The following PEX14 variants were observed in gnomAD, a reference collection of about 807,000 sequenced individuals.
PEX14 encodes the protein peroxisomal membrane protein PEX14.
A neutral mutation model predicts 49.5 loss-of-function variants in PEX14; 15 were observed. The observed-to-expected ratio is 0.30, with a 90% CI of 0.20 to 0.47. The LOEUF (loss-of-function observed/expected upper bound fraction) is 0.47. PEX14 is among the 20% of genes least tolerant of loss of function. The pLI, the probability that PEX14 is intolerant of heterozygous loss-of-function variation, is 1.00. For synonymous variants in PEX14, 210 were observed against 212.7 expected, an observed-to-expected ratio of 0.99 and a Z score of 0.11; for missense variants, 398 against 494.8, an observed-to-expected ratio of 0.80 and a Z score of 1.86.
chr1:10,594,713 G>A (rs141171810), intron 3 of PEX14, among the ~76,000 whole-genome samples: 1,779 of 152,290 alleles, frequency 0.012, 6 homozygotes, highest in Middle Eastern at 0.065. Flanking sequence ...CAGTGCTGAG[G>A]TTACTTATCC....
intron 2 of PEX14, among the ~76,000 whole-genome samples, chr1:10,534,045 G>T (rs189637530): frequency 5.6e-4 from 86 of 152,290 alleles, no homozygotes; most frequent in Non-Finnish European, 1.0e-3. Flanking sequence ...GAAAATTTTG[G>T]AAGGATGAAG....
At chr1:10,511,249 ATC>A (rs1257374705) in intron 2 of PEX14, among the ~76,000 whole-genome samples, 1 of 151,844 alleles carries the variant, frequency 6.6e-6, no homozygotes, top group Non-Finnish European at 1.5e-5. Flanking sequence ...TTATTTTGTT[ATC>A]TCCTGTTTTT....
chr1:10,548,319 CAA>C (rs1310906585), intron 3 of PEX14, among the ~76,000 whole-genome samples: 2 of 152,172 alleles, frequency 1.3e-5, no homozygotes, highest in Admixed American at 6.5e-5. Context: ...TAAGGGTAGA[CAA>C]GAGAGTTTCC....
At chr1:10,586,901 A>T (rs539243201) in intron 3 of PEX14, among the ~76,000 whole-genome samples, 1 of 151,674 alleles carries the variant, frequency 6.6e-6, no homozygotes, top group Non-Finnish European at 1.5e-5. Context: ...CGGCCTCCCA[A>T]AGTGCTGGGA....
intron 3 of PEX14, among the ~76,000 whole-genome samples, chr1:10,572,682 C>G (rs1640011348): frequency 8.0e-5 from 2 of 24,992 alleles, no homozygotes; most frequent in South Asian, 1.2e-3. Context: ...CTATAGGCGC[C>G]CCCCCCACCA....
intron 3 of PEX14, among the ~76,000 whole-genome samples, chr1:10,577,556 ATATATATTTTTTTTTTTTTTTTTTTTTTT>A (rs1640176565): frequency 1.5e-3 from 9 of 5,896 alleles, no homozygotes; most frequent in Non-Finnish European, 3.7e-3. Context: ...ATATATATAT[ATATATATTTTTTTTTTTTTTTTTTTTTTT>A]TTTTTTTTTT....
In PEX14 at chr1:10,480,867, A is replaced by AT. The variant is rs749555236; in HGVS notation, c.36+5866dup. Among the ~76,000 whole-genome samples, 832 of 145,938 alleles carry AT rather than the reference A, an allele frequency of 5.7e-3. 10 individuals are homozygous for AT. The highest frequency in any genetic ancestry group is 8.1e-3 in the Non-Finnish European group (540 of 66,750). ...TCTCTCTCTCTCTCTCTCTATATAT[A>AT]TATTTTTTTTTTTGGAAGGATTTGT... On this transcript the variant is annotated intron_variant, in intron 1 of 8. Transcript: ENST00000356607.
chr1:10,580,092 T>G (rs1640268957), intron 3 of PEX14, among the ~76,000 whole-genome samples: 1 of 152,176 alleles, frequency 6.6e-6, no homozygotes, highest in African/African-American at 2.4e-5. Context: ...AATTCTTCAG[T>G]TCTGTAAAAG....
intron 1 of PEX14, among the ~76,000 whole-genome samples, chr1:10,488,878 A>C (rs984342612): frequency 2.0e-5 from 3 of 152,176 alleles, no homozygotes; most frequent in African/African-American, 7.2e-5. Flanking sequence ...GTATAGTTGT[A>C]ACACCTGTCT....
chr1:10,529,965 A>G lies in PEX14; in HGVS notation c.85-6248A>G, dbSNP rs2124470611. Among the ~76,000 whole-genome samples, 1 of 152,314 alleles carries G rather than the reference A, an allele frequency of 6.6e-6. No homozygotes were observed. The highest frequency in any genetic ancestry group is 2.1e-4 in the South Asian group (1 of 4,828). On this transcript the variant is annotated intron_variant, in intron 2 of 8. Transcript: ENST00000356607. The surrounding 1 kb of genome is among the most constrained non-coding windows in gnomAD (Gnocchi z 4.2). ...AGTCGAAAGAGAGGCTCTTTCCTTT[A>G]ACTCCTTGAGTGCCAGGGCACTTGC...
In PEX14 at chr1:10,539,640, G is replaced by A. The variant is rs1419266030; in HGVS notation, c.169+3343G>A. Among the ~76,000 whole-genome samples the A allele has an allele frequency of 6.6e-6, 1 of 152,098 alleles. No individual in the cohort carries two copies. Among genetic ancestry groups the A allele is most frequent in the African/African-American group, 2.4e-5 (1 of 41,392 alleles). On this transcript the variant is annotated intron_variant, in intron 3 of 8. Coordinates refer to ENST00000356607, the MANE Select transcript of PEX14 (RefSeq NM_004565.3). The surrounding 1 kb of genome is among the most constrained non-coding windows in gnomAD (Gnocchi z 4.6). ...TCTTGCCAGGCAGGCATCATATCTGGGGCTTTAAGCAGGCTGCAATCCAGG... is the reference window on the plus strand; with the variant it reads ...TCTTGCCAGGCAGGCATCATATCTGAGGCTTTAAGCAGGCTGCAATCCAGG...
chr1:10,502,061 G>T (rs1006246131), intron 2 of PEX14, among the ~76,000 whole-genome samples: 1 of 152,086 alleles, frequency 6.6e-6, no homozygotes, highest in Non-Finnish European at 1.5e-5. Flanking sequence ...ATGGGCTCAC[G>T]GTGCACTTCA....
chr1:10,490,838 A>C (rs561375395), intron 1 of PEX14, among the ~76,000 whole-genome samples: 1 of 150,680 alleles, frequency 6.6e-6, no homozygotes, highest in Admixed American at 6.6e-5. Flanking sequence ...GGTAGTTGGG[A>C]CTTACAGGCA....
intron 5 of PEX14, among the ~76,000 whole-genome samples, chr1:10,620,221 A>C (rs1426068100): frequency 6.6e-6 from 1 of 152,108 alleles, no homozygotes; most frequent in African/African-American, 2.4e-5. Context: ...AGGCCAGGGC[A>C]GGCAGATTGC....
intron 2 of PEX14, among the ~76,000 whole-genome samples, chr1:10,518,304 C>T (rs776123936): frequency 1.8e-4 from 27 of 152,124 alleles, no homozygotes; most frequent in African/African-American, 5.3e-4. Context: ...CTGCCTCCCC[C>T]GGGTGGTGGG....
chr1:10,524,850 TA>T (rs200352600), intron 2 of PEX14, among the ~76,000 whole-genome samples: 1 of 151,930 alleles, frequency 6.6e-6, no homozygotes, highest in Admixed American at 6.6e-5. Flanking sequence ...CCAAGCTATT[TA>T]AAAAAAACAA....
chr1:10,480,200 GTT>G (rs113715331), intron 1 of PEX14, among the ~76,000 whole-genome samples: 18 of 142,412 alleles, frequency 1.3e-4, no homozygotes, highest in South Asian at 2.2e-4. Flanking sequence ...CCCTCTCAAT[GTT>G]TTTTTTTTTT....
At chr1:10,577,539 T>C (rs1252509690) in intron 3 of PEX14, among the ~76,000 whole-genome samples, 1 of 2,432 alleles carries the variant, frequency 4.1e-4, no homozygotes, top group Non-Finnish European at 2.0e-3. Context: ...CATATATATA[T>C]ATATATATAT....
chr1:10,575,502 C>T lies in PEX14; in HGVS notation c.170-23736C>T, dbSNP rs147062075. On this transcript the variant is annotated intron_variant, in intron 3 of 8. Transcript: ENST00000356607. The stretch of plus-strand genomic sequence containing the variant: ...GTTAATTGGCCACAAAGAAAAATTC[C>T]GATAAAGCCCAAAAGGCAGAAATCA... 3.5e-3 allele frequency among the ~76,000 whole-genome samples: 539 copies of T among 152,140 alleles called. 8 individuals carry two copies. The highest frequency in any genetic ancestry group is 5.1e-3 in the Non-Finnish European group (346 of 68,004).
Sources: allele counts gnomAD v4.1 joint callset (sites outside exome capture counted in the v4.1 genomes callset), GRCh38; gene constraint gnomAD v4.1.1; non-coding constraint Gnocchi (gnomAD v3.1); transcripts MANE v1.5; gene names NCBI Gene and HGNC (gene_info 2026-07-23, HGNC 2026-07-21).